Variants in SUB1 observed in about 807,000 individuals in gnomAD.
SUB1 encodes SUB1 regulator of transcription.
In SUB1, 1 loss-of-function variant was observed where a neutral mutation model predicts 16.9. The ratio of observed to expected loss-of-function variants is 0.06; its 90% CI spans 0.02 to 0.28. The LOEUF is 0.28. SUB1 is among the 10% of genes least tolerant of loss of function. The probability of loss-of-function intolerance (pLI) is 1.00; values close to 1 mark genes in which losing one functional copy is unlikely to be tolerated. For missense variants in SUB1, 84 were observed against 145.2 expected (o/e 0.58, Z 2.16); for synonymous variants, 51 against 46.9 (o/e 1.09, Z -0.36).
intron 3 of SUB1, among the ~76,000 whole-genome samples, 195 bp downstream of exon 3, chr5:32,591,880 AGTAGAGATGGG>A (rs1738836794): frequency 6.6e-6 from 1 of 151,966 alleles, no homozygotes; most frequent in Non-Finnish European, 1.5e-5. Flanking sequence ...TTGTATTTTT[AGTAGAGATGGG>A]GTTTCACCAT....
At chr5:32,590,514 G>A (rs1448667936) in intron 2 of SUB1, among the ~76,000 whole-genome samples, 1 of 148,480 alleles carries the variant, frequency 6.7e-6, no homozygotes, top group East Asian at 2.0e-4. Context: ...TTTTTGTAAT[G>A]AGGAAGTTCT....
chr5:32,586,286 A>T (rs563755341), intron 1 of SUB1: 1 of 151,998 alleles, frequency 6.6e-6, no homozygotes, highest in South Asian at 2.1e-4. Context: ...TGTGCTTGTC[A>T]CCTTCCTGTT....
intron 1 of SUB1, among the ~76,000 whole-genome samples, chr5:32,588,176 T>C (rs1481416308): frequency 2.0e-5 from 3 of 152,338 alleles, no homozygotes; most frequent in African/African-American, 7.2e-5. Flanking sequence ...AATTGTTGTC[T>C]GCTGCCTTCT....
intron 1 of SUB1, among the ~76,000 whole-genome samples, chr5:32,586,947 T>C (rs1738687036): frequency 6.6e-6 from 1 of 152,214 alleles, no homozygotes; most frequent in Non-Finnish European, 1.5e-5. Context: ...ACATATGCAA[T>C]GTCAGTGCTA....
At chr5:32,586,907 A>G (rs564044648) in intron 1 of SUB1, among the ~76,000 whole-genome samples, 102 of 152,302 alleles carry the variant, frequency 6.7e-4, no homozygotes, top group Admixed American at 1.8e-3. Context: ...GGGGTGGCCC[A>G]CTTCTTTTTC....
At chr5:32,587,490 A>AAGGTTTTGCACCTCCCATAAAT (rs764630334) in intron 1 of SUB1, among the ~76,000 whole-genome samples, 2 of 152,278 alleles carry the variant, frequency 1.3e-5, no homozygotes, top group African/African-American at 4.8e-5. Context: ...AATTTGCGGG[A>AAGGTTTTGCACCTCCCATAAAT]AGGTTTTGCA....
chr5:32,596,926 A>T (rs1357884725), intron 3 of SUB1: 1 of 152,204 alleles, frequency 6.6e-6, no homozygotes, highest in Admixed American at 6.5e-5. Context: ...TTTTCTGTGA[A>T]TATTTTTAAG....
At position 32,602,752 on chromosome 5, in the gene SUB1, C is replaced by G. The variant is rs557476167; in HGVS notation, c.*1668C>G. The G allele has an allele frequency of 8.5e-5, 13 of 153,364 alleles. No individual in the cohort carries two copies. The highest frequency in any genetic ancestry group is 7.1e-4 in the Admixed American group (11 of 15,474). 9.5% of individuals were successfully genotyped at this position (153,364 alleles called of 1,614,324 possible). ...TTAGCCTTCATCGAATAATAGGTAC[C>G]AGTGTATTAAAAATGTGTATTTTTT... is the stretch of plus-strand genomic sequence containing the variant. On this transcript the variant is annotated 3_prime_UTR_variant, in exon 5 of 5. Coordinates refer to ENST00000265073, the MANE Select transcript of SUB1 (RefSeq NM_006713.4).
chr5:32,588,083 A>G (rs897999216), intron 1 of SUB1, among the ~76,000 whole-genome samples: 3 of 145,306 alleles, frequency 2.1e-5, no homozygotes, highest in African/African-American at 5.7e-5. Context: ...CCCATAGTGA[A>G]TAATTTTACG....
intron 3 of SUB1, among the ~76,000 whole-genome samples, chr5:32,594,209 A>G (rs1026229129): frequency 1.3e-5 from 2 of 152,200 alleles, no homozygotes; most frequent in Non-Finnish European, 1.5e-5. Context: ...TAGAGAGAAG[A>G]TACTAGAGAT....
At chr5:32,600,254 C>T (rs1739083363) in intron 4 of SUB1, among the ~76,000 whole-genome samples, 1 of 152,154 alleles carries the variant, frequency 6.6e-6, no homozygotes. Flanking sequence ...TGAATCACGT[C>T]CTGGGAATTT....
chr5:32,603,191 A>G lies in SUB1; in HGVS notation c.*2107A>G, dbSNP rs1243234740. ...TAACTTCATTTAAATGTGTTACTGG[A>G]TATGCAGTATACTGAAATTATTAAT... On this transcript the variant is annotated 3_prime_UTR_variant, in exon 5 of 5. Transcript: ENST00000265073. The G allele has an allele frequency of 1.3e-5, 2 of 152,292 alleles. No homozygotes were observed. Among genetic ancestry groups the G allele is most frequent in the Non-Finnish European group, 1.5e-5 (1 of 67,980 alleles). 9.4% of individuals were successfully genotyped at this position (152,292 alleles called of 1,614,324 possible). A position where few individuals can be genotyped will look rare whatever the true frequency, so the allele number is the denominator to read the frequency against.
rs1348587797 is a variant in SUB1, at chr5:32,603,782, T to G, written c.*2698T>G. The stretch of plus-strand genomic sequence containing the variant: ...CACAGGAGATATGTTAGCAGAATAC[T>G]ATAAAAGTTTGAAATTTTTAAAAAG... On this transcript the variant is annotated 3_prime_UTR_variant, in exon 5 of 5. Transcript: ENST00000265073. 6.6e-6 allele frequency: 1 copy of G among 152,222 alleles called. No individual in the cohort carries two copies. The highest frequency in any genetic ancestry group is 2.4e-5 in the African/African-American group (1 of 41,464). The allele number at this position is 152,222 out of a possible 1,614,324, so 9.4% of individuals were successfully genotyped here.
At chr5:32,588,092 CGTT>C (rs1738719804) in intron 1 of SUB1, among the ~76,000 whole-genome samples, 1 of 151,960 alleles carries the variant, frequency 6.6e-6, no homozygotes, top group Non-Finnish European at 1.5e-5. Context: ...AATAATTTTA[CGTT>C]AGTTCCAATC....
intron 1 of SUB1, 123 bp downstream of exon 1, chr5:32,585,748 C>T (rs1017065894): frequency 6.9e-6 from 1 of 145,616 alleles, no homozygotes. Flanking sequence ...GCGGCTCTGC[C>T]TTACCTCCCC....
chr5:32,588,521 A>G lies in SUB1; in HGVS notation c.9A>G (p.Lys3=), dbSNP rs762345942. Residue 3 remains lysine, a synonymous_variant, in exon 2 of 5, where the codon AAA becomes AAG. Coordinates refer to ENST00000265073, the MANE Select transcript of SUB1 (RefSeq NM_006713.4). MP[K]SKELVSSSSS... is the part of the protein sequence containing the mutation. ...TGTATTTTTCTTTCAGGATGCCTAA[A>G]TCAAAGGAACTTGTTTCTTCAAGCT... 1 of 1,612,454 alleles carries G rather than the reference A, an allele frequency of 6.2e-7. No homozygotes were observed. Among genetic ancestry groups the G allele is most frequent in the East Asian group, 2.2e-5 (1 of 44,870 alleles).
intron 2 of SUB1, 185 bp from the exon 3 acceptor site, chr5:32,591,378 T>C: frequency 1.3e-6 from 1 of 755,168 alleles, no homozygotes; most frequent in East Asian, 3.5e-5. Context: ...TTTGAAAACA[T>C]TACTAGACAG....
Position 32,588,602 on chromosome 5 carries a change from A to G in SUB1, c.72+18A>G. The G allele has an allele frequency of 6.2e-7, 1 of 1,609,704 alleles. No homozygotes were observed. The highest frequency in any genetic ancestry group is 8.5e-7 in the Non-Finnish European group (1 of 1,177,382). On this transcript the variant is annotated intron_variant, in intron 2 of 4. Coordinates refer to ENST00000265073, the MANE Select transcript of SUB1 (RefSeq NM_006713.4). Reference sequence around the variant, plus strand: ...ACAAAAAGGTGACTACTGCTGCACCAAGTCATTTTGGTGATACTCAACAAT... The same window carrying G: ...ACAAAAAGGTGACTACTGCTGCACCGAGTCATTTTGGTGATACTCAACAAT...
In SUB1 at chr5:32,589,235, T is replaced by C. The variant is rs566774718; in HGVS notation, c.72+651T>C. 5.3e-5 allele frequency among the ~76,000 whole-genome samples: 8 copies of C among 152,160 alleles called. No homozygotes were observed. In the South Asian group the frequency reaches 1.7e-3, roughly 32 times the overall value. ...TCCAGAGTAGCTGGGACTACAGGCA[T>C]CATGCCTGGTTAATTAAAAAAAAAA... On this transcript the variant is annotated intron_variant, in intron 2 of 4. Transcript: ENST00000265073.
Sources: gnomAD v4.1 joint callset for allele counts (sites outside exome capture counted in the v4.1 genomes callset) on GRCh38, gnomAD v4.1.1 for gene constraint, MANE v1.5 for transcripts, NCBI Gene and HGNC (gene_info 2026-07-23, HGNC 2026-07-21) for gene names.